Variants in CIROP observed in about 807,000 individuals in gnomAD.
The protein encoded by CIROP is ciliated left-right organizer metallopeptidase.
the CIROP span, chr14:23,103,583 A>AAAACAAAACT: frequency 1.6e-6 from 1 of 627,260 alleles, no homozygotes; most frequent in Non-Finnish European, 2.9e-6. Flanking sequence ...AAAACAAAAC[A>AAAACAAAACT]AAACAAAACT....
chr14:23,099,836 A>T, the CIROP span: 1 of 180,130 alleles, frequency 5.6e-6, no homozygotes, highest in Non-Finnish European at 1.3e-5. Context: ...AAGTAGAAAT[A>T]AGATCAAGAT....
At chr14:23,103,224 C>T in the CIROP span, 1 of 417,276 alleles carries the variant, frequency 2.4e-6, no homozygotes, top group Non-Finnish European at 4.2e-6. Flanking sequence ...CTAGCATTCC[C>T]TAAGTTATCC....
the CIROP span, chr14:23,104,446 G>A: frequency 7.0e-5 from 49 of 702,972 alleles, no homozygotes; most frequent in East Asian, 8.9e-4. Context: ...GCAGGGTCTC[G>A]ACTCAGAAGC....
the CIROP span, chr14:23,104,646 A>G: frequency 1.4e-6 from 1 of 702,922 alleles, no homozygotes; most frequent in Non-Finnish European, 2.6e-6. Flanking sequence ...CACTGCGGCC[A>G]GGGCTCGGGA....
the CIROP span, chr14:23,099,108 C>G: frequency 2.5e-6 from 1 of 406,876 alleles, no homozygotes; most frequent in African/African-American, 2.1e-5. Context: ...AAGAATGGAT[C>G]TTTAGAACTG....
At chr14:23,100,984 A>G in the CIROP span, 2 of 398,994 alleles carry the variant, frequency 5.0e-6, no homozygotes, top group Admixed American at 4.4e-5. Context: ...CTGGGGTTGA[A>G]AGACTCACAG....
At chr14:23,102,730 G>A in the CIROP span, 91 of 703,028 alleles carry the variant, frequency 1.3e-4, no homozygotes, top group East Asian at 2.1e-3. Context: ...ACAAATGACA[G>A]CCCAGTAAGG....
At chr14:23,104,602 C>A in the CIROP span, 1 of 701,436 alleles carries the variant, frequency 1.4e-6, no homozygotes, top group South Asian at 1.5e-5. Flanking sequence ...CACTCACCTG[C>A]TAGAACAGCC....
chr14:23,099,697 CTACAGGCGCA>C, the CIROP span: 1 of 348,610 alleles, frequency 2.9e-6, no homozygotes, highest in African/African-American at 2.1e-5. Context: ...ATAGCTGGGA[CTACAGGCGCA>C]CGCCGCACCA....
At chr14:23,101,672 A>G in the CIROP span, 2 of 702,938 alleles carry the variant, frequency 2.8e-6, no homozygotes, top group Non-Finnish European at 5.2e-6. Flanking sequence ...TACTCACCCC[A>G]TTGGCTAAGG....
the CIROP span, chr14:23,104,176 A>G: frequency 4.0e-5 from 24 of 598,808 alleles, no homozygotes; most frequent in Non-Finnish European, 6.9e-5. Flanking sequence ...TCTCTTTACT[A>G]TCTCTCTGCG....
At chr14:23,101,697 C>T in the CIROP span, 1 of 703,024 alleles carries the variant, frequency 1.4e-6, no homozygotes, top group East Asian at 2.7e-5. Context: ...GTACATGCGG[C>T]AGCCTTCCAG....
chr14:23,104,856 C>A, the CIROP span: 1 of 700,858 alleles, frequency 1.4e-6, no homozygotes, highest in Non-Finnish European at 2.6e-6. Context: ...ATGTAGACAT[C>A]GGCTTGCAGC....
the CIROP span, chr14:23,102,630 A>G: frequency 1.4e-6 from 1 of 703,048 alleles, no homozygotes; most frequent in South Asian, 1.5e-5. Context: ...CTCATTTACC[A>G]CTGAATCCTG....
the CIROP span, chr14:23,102,389 G>A: frequency 1.1e-4 from 76 of 702,854 alleles, no homozygotes; most frequent in Non-Finnish European, 1.0e-4. Flanking sequence ...ACACTCCCAA[G>A]TGTTTGGCCA....
the CIROP span, chr14:23,102,192 G>A: frequency 7.1e-6 from 5 of 702,796 alleles, no homozygotes; most frequent in African/African-American, 7.0e-5. Flanking sequence ...GAGTGCGCTG[G>A]GCTCCATCAA....
the CIROP span, chr14:23,101,882 T>G: frequency 1.4e-6 from 1 of 702,440 alleles, no homozygotes. Context: ...GTCCCACATG[T>G]GGTCACCAAG....
chr14:23,102,177 G>C, the CIROP span: 1 of 702,852 alleles, frequency 1.4e-6, no homozygotes, highest in East Asian at 2.7e-5. Flanking sequence ...TGATTGGGTC[G>C]AGTCGAGTGC....
At chr14:23,103,747 A>G in the CIROP span, 5 of 702,934 alleles carry the variant, frequency 7.1e-6, no homozygotes, top group African/African-American at 8.7e-5. Flanking sequence ...CCCCAGGCCC[A>G]TCTGGCTGGA....
Sources: allele counts gnomAD v4.1 joint callset, GRCh38; gene constraint gnomAD v4.1.1; transcripts MANE v1.5; gene names NCBI Gene and HGNC (gene_info 2026-07-23, HGNC 2026-07-21).